Variants in R3HCC1L observed in about 807,000 individuals in gnomAD.
R3HCC1L encodes the protein R3H domain and coiled-coil containing 1 like, also known as coiled-coil domain-containing protein R3HCC1L.
Under a neutral mutation model 59.9 loss-of-function variants are expected in R3HCC1L, and 51 were observed. The observed-to-expected ratio is 0.85, with a 90% CI of 0.68 to 1.07. The LOEUF is 1.07. Ranked by LOEUF, R3HCC1L falls within the 50% of genes least tolerant of loss-of-function variation. The probability of loss-of-function intolerance (pLI) is 0.00; values close to 1 mark genes in which losing one functional copy is unlikely to be tolerated. For missense variants in R3HCC1L, 965 were observed against 933.0 expected (o/e 1.03, Z -0.45); for synonymous variants, 322 against 315.2 (o/e 1.02, Z -0.23).
intron 9 of R3HCC1L, among the ~76,000 whole-genome samples, chr10:98,239,852 C>T (rs1369867706): frequency 6.6e-6 from 1 of 152,086 alleles, no homozygotes; most frequent in Non-Finnish European, 1.5e-5. Flanking sequence ...CATGTGCCAC[C>T]ATGCTGGCTA....
intron 5 of R3HCC1L, among the ~76,000 whole-genome samples, chr10:98,230,202 G>T (rs544407118): frequency 1.7e-4 from 26 of 152,160 alleles, no homozygotes; most frequent in African/African-American, 6.3e-4. Flanking sequence ...CTGTGAATCC[G>T]TCTGGTCCTG....
At chr10:98,158,443 A>C (rs1847088911) in intron 2 of R3HCC1L, among the ~76,000 whole-genome samples, 2 of 152,222 alleles carry the variant, frequency 1.3e-5, no homozygotes, top group African/African-American at 4.8e-5. Flanking sequence ...AGACCACAGA[A>C]AAATTCCGAG....
chr10:98,149,455 T>C lies in R3HCC1L; in HGVS notation c.-267-6638T>C, dbSNP rs1845946729. On this transcript the variant is annotated intron_variant, in intron 1 of 9. Transcript: ENST00000298999. ...CACGTTATTAGATTATTTGAAGTCT[T>C]TCTGCTTTTTTGATGTAGGCATTTA... Among the ~76,000 whole-genome samples the C allele has an allele frequency of 1.3e-5, 2 of 152,198 alleles. 1 individual carries two copies. The highest frequency in any genetic ancestry group is 4.1e-4 in the South Asian group (2 of 4,836).
At chr10:98,152,701 G>C (rs1474573037) in intron 1 of R3HCC1L, among the ~76,000 whole-genome samples, 1 of 131,496 alleles carries the variant, frequency 7.6e-6, no homozygotes, top group Non-Finnish European at 1.7e-5. Flanking sequence ...GGGAGGTGAG[G>C]AGCGTCTCTG....
chr10:98,182,332 G>A (rs768014065), intron 4 of R3HCC1L, among the ~76,000 whole-genome samples: 2 of 152,170 alleles, frequency 1.3e-5, no homozygotes, highest in Non-Finnish European at 2.9e-5. Flanking sequence ...GTTTGCCTGG[G>A]TATCACCATC....
intron 4 of R3HCC1L, among the ~76,000 whole-genome samples, chr10:98,173,234 G>A (rs1019959226): frequency 3.3e-5 from 5 of 152,126 alleles, no homozygotes; most frequent in African/African-American, 1.2e-4. Context: ...TGTGTACCAT[G>A]TCTTCCTGGT....
At chr10:98,239,074 C>T (rs1327464291) in intron 9 of R3HCC1L, among the ~76,000 whole-genome samples, 3 of 152,116 alleles carry the variant, frequency 2.0e-5, no homozygotes, top group Non-Finnish European at 2.9e-5. Flanking sequence ...TTCTCTGTGC[C>T]CCCTGGTTTC....
At chr10:98,240,246 C>T (rs537453558) in intron 9 of R3HCC1L, among the ~76,000 whole-genome samples, 5 of 152,214 alleles carry the variant, frequency 3.3e-5, no homozygotes, top group Admixed American at 2.6e-4. Context: ...GCGGAGGTTG[C>T]GGTGAGCCGA....
chr10:98,208,394 A>G lies in R3HCC1L; in HGVS notation c.280A>G (p.Met94Val), dbSNP rs1852994934. 6.2e-7 allele frequency: 1 copy of G among 1,613,864 alleles called. No homozygotes were observed. The highest frequency in any genetic ancestry group is 1.3e-5 in the African/African-American group (1 of 74,890). ...AAAGAAATCTTCAACAAAATTAAGA[A>G]TGGACACATGCCTTCAAAAAACAAA... Reference protein sequence around the residue: ...EEKKSSTKLRMDTCLQKTNRV... With the variant: ...EEKKSSTKLRVDTCLQKTNRV... Residue 94 changes from methionine (M) to valine (V), a missense_variant, in exon 5 of 10, where the codon ATG becomes GTG. Physicochemically the swap from Met to Val is conservative, Grantham distance 21. Coordinates refer to ENST00000298999, the MANE Select transcript of R3HCC1L (RefSeq NM_001351015.2).
intron 5 of R3HCC1L, among the ~76,000 whole-genome samples, chr10:98,222,280 C>G (rs1855086613): frequency 6.6e-6 from 1 of 152,178 alleles, no homozygotes; most frequent in African/African-American, 2.4e-5. Flanking sequence ...AGATTTTGGG[C>G]TGAGACAGTG....
rs564606188 is a variant in R3HCC1L at position 98,136,958 on chromosome 10, C to A, written c.-268+2252C>A. On this transcript the variant is annotated intron_variant, in intron 1 of 9. Transcript: ENST00000298999. Reference sequence around the variant, plus strand: ...GGGCGCGGTGGCGCACGTCTGTAATCCTGGCACTTTGGGAGGCCGACGTGG... The same window carrying A: ...GGGCGCGGTGGCGCACGTCTGTAATACTGGCACTTTGGGAGGCCGACGTGG... Among the ~76,000 whole-genome samples the A allele has an allele frequency of 2.2e-4, 33 of 152,314 alleles. No individual in the cohort carries two copies. In the South Asian group the frequency reaches 6.4e-3, roughly 30 times the overall value.
At chr10:98,188,475 G>A (rs1487300093) in intron 4 of R3HCC1L, among the ~76,000 whole-genome samples, 2 of 152,284 alleles carry the variant, frequency 1.3e-5, no homozygotes, top group African/African-American at 4.8e-5. Context: ...AATGGCAATG[G>A]AGACTCCTGT....
chr10:98,153,134 G>T (rs867813820), intron 1 of R3HCC1L, among the ~76,000 whole-genome samples: 5 of 152,298 alleles, frequency 3.3e-5, no homozygotes, highest in African/African-American at 7.2e-5. Context: ...CATTGAGAAC[G>T]GGCCATGATG....
At chr10:98,199,547 T>C (rs1192195228) in intron 4 of R3HCC1L, among the ~76,000 whole-genome samples, 1 of 152,058 alleles carries the variant, frequency 6.6e-6, no homozygotes, top group African/African-American at 2.4e-5. Context: ...TATAATTCTT[T>C]TTCCTGTTTC....
chr10:98,176,414 T>C (rs1310922335), intron 4 of R3HCC1L, among the ~76,000 whole-genome samples: 4 of 152,222 alleles, frequency 2.6e-5, no homozygotes, highest in African/African-American at 9.6e-5. Flanking sequence ...TTTTGATGTC[T>C]TATCAATGTA....
chr10:98,229,813 AC>A (rs1471982669), intron 5 of R3HCC1L, among the ~76,000 whole-genome samples: 1 of 151,948 alleles, frequency 6.6e-6, no homozygotes, highest in Non-Finnish European at 1.5e-5. Context: ...TTTGTCAAAG[AC>A]CTTTTCTGCA....
intron 4 of R3HCC1L, among the ~76,000 whole-genome samples, chr10:98,194,792 G>A (rs926748583): frequency 2.8e-4 from 43 of 152,220 alleles, no homozygotes; most frequent in African/African-American, 7.5e-4. Context: ...TAAGATGGCC[G>A]CCATCAAAGA....
chr10:98,148,354 C>G (rs1317061492), intron 1 of R3HCC1L, among the ~76,000 whole-genome samples: 3 of 152,080 alleles, frequency 2.0e-5, no homozygotes, highest in Non-Finnish European at 2.9e-5. Flanking sequence ...GGACTTCCTC[C>G]TTTCCAATTT....
intron 5 of R3HCC1L, among the ~76,000 whole-genome samples, chr10:98,214,779 C>T (rs1590742886): frequency 6.6e-6 from 1 of 152,202 alleles, no homozygotes; most frequent in East Asian, 1.9e-4. Flanking sequence ...GAGCTTTATC[C>T]TGTCTTAGAG....
Sources: allele counts gnomAD v4.1 joint callset (sites outside exome capture counted in the v4.1 genomes callset), GRCh38; gene constraint gnomAD v4.1.1; transcripts MANE v1.5; gene names NCBI Gene and HGNC (gene_info 2026-07-23, HGNC 2026-07-21).